CNTN3: variants seen among roughly 807,000 people sequenced by gnomAD.
CNTN3 encodes contactin 3.
Under a neutral mutation model 119.1 loss-of-function variants are expected in CNTN3, and 60 were observed. That is an observed-to-expected ratio of 0.50 (90% CI 0.41 to 0.62). The LOEUF (loss-of-function observed/expected upper bound fraction) is 0.62. Ranked by LOEUF, CNTN3 falls within the 20% of genes least tolerant of loss-of-function variation. CNTN3 has a pLI of 0.00. For synonymous variants in CNTN3, 450 were observed against 438.7 expected, an observed-to-expected ratio of 1.03 and a Z score of -0.32; for missense variants, 1,101 against 1,242.4, an observed-to-expected ratio of 0.89 and a Z score of 1.71.
At chr3:74,323,539 C>A (rs1703048411) in intron 13 of CNTN3, among the ~76,000 whole-genome samples, 1 of 152,092 alleles carries the variant, frequency 6.6e-6, no homozygotes, top group Admixed American at 6.6e-5. Flanking sequence ...GAAAGTACAG[C>A]TCTGTGAATA....
intron 1 of CNTN3, among the ~76,000 whole-genome samples, chr3:74,587,435 T>TA (rs112731194): frequency 0.016 from 2,500 of 152,188 alleles, 59 homozygotes; most frequent in African/African-American, 0.055. Context: ...TTTACGTCAT[T>TA]ACAAGACTGG....
chr3:74,565,337 C>T (rs1704210906), intron 1 of CNTN3, among the ~76,000 whole-genome samples: 1 of 152,128 alleles, frequency 6.6e-6, no homozygotes, highest in African/African-American at 2.4e-5. Flanking sequence ...TGGCCCCTTC[C>T]TCCATTCTCA....
chr3:74,298,518 C>T (rs1374509426), intron 17 of CNTN3, among the ~76,000 whole-genome samples: 2 of 149,660 alleles, frequency 1.3e-5, no homozygotes, highest in Non-Finnish European at 3.0e-5. Flanking sequence ...TCTCTTAAGC[C>T]AAATAAAAAT....
intron 4 of CNTN3, among the ~76,000 whole-genome samples, chr3:74,426,271 T>C (rs1440368602): frequency 6.6e-6 from 1 of 152,204 alleles, no homozygotes; most frequent in Non-Finnish European, 1.5e-5. Context: ...ACTTTCTGTA[T>C]CAGAACAATT....
At chr3:74,405,777 A>G (rs1294146809) in intron 5 of CNTN3, among the ~76,000 whole-genome samples, 1 of 152,078 alleles carries the variant, frequency 6.6e-6, no homozygotes, top group Non-Finnish European at 1.5e-5. Flanking sequence ...TATTGTTTTT[A>G]TAATGACTAT....
intron 1 of CNTN3, among the ~76,000 whole-genome samples, chr3:74,595,002 G>C (rs1046497480): frequency 6.6e-6 from 1 of 152,144 alleles, no homozygotes; most frequent in Admixed American, 6.6e-5. Context: ...ACTGGCGTGA[G>C]ATGGTATCTC....
chr3:74,568,785 T>C (rs954734184), intron 1 of CNTN3, among the ~76,000 whole-genome samples: 21 of 152,238 alleles, frequency 1.4e-4, no homozygotes, highest in African/African-American at 5.1e-4. Context: ...TTTCTCATTG[T>C]ATTATAGAAT....
At chr3:74,462,032 A>G (rs569863640) in intron 4 of CNTN3, among the ~76,000 whole-genome samples, 1 of 152,128 alleles carries the variant, frequency 6.6e-6, no homozygotes, top group African/African-American at 2.4e-5. Context: ...TCCCTCATGA[A>G]TAGTTTAGCA....
At chr3:74,274,982 T>C (rs1416776359) in intron 20 of CNTN3, among the ~76,000 whole-genome samples, 1 of 152,112 alleles carries the variant, frequency 6.6e-6, no homozygotes, top group Admixed American at 6.5e-5. Context: ...CCAGAAACAC[T>C]GGACACATAT....
At chr3:74,320,370 G>A (rs1371479107) in intron 13 of CNTN3, among the ~76,000 whole-genome samples, 1 of 152,164 alleles carries the variant, frequency 6.6e-6, no homozygotes, top group Non-Finnish European at 1.5e-5. Context: ...CCTTTGTAGG[G>A]ACATGGATGA....
intron 12 of CNTN3, among the ~76,000 whole-genome samples, chr3:74,335,867 T>A (rs1703381038): frequency 6.6e-6 from 1 of 152,120 alleles, no homozygotes; most frequent in African/African-American, 2.4e-5. Context: ...AATCTCTCCT[T>A]CTCAGTGAGG....
intron 4 of CNTN3, among the ~76,000 whole-genome samples, chr3:74,465,326 C>T (rs1702441668): frequency 1.3e-5 from 2 of 152,038 alleles, no homozygotes; most frequent in African/African-American, 4.8e-5. Flanking sequence ...ACAACAACAA[C>T]AAAAAGGTCT....
intron 5 of CNTN3, among the ~76,000 whole-genome samples, chr3:74,409,978 A>G (rs1701411223): frequency 6.6e-6 from 1 of 152,234 alleles, no homozygotes; most frequent in Non-Finnish European, 1.5e-5. Context: ...ACCAAGGATC[A>G]GAAAGAAGTC....
rs548175205 is a variant in CNTN3 at position 74,614,433 on chromosome 3, TCGCCGC to T, written c.-129_-124del. ...CCAGACGCCCGCCCCGACGGCCCAC[TCGCCGC>T]CGCCGCCGCCGCCGCCGCCGCCGCC... On this transcript the variant is annotated 5_prime_UTR_variant, in exon 1 of 23. Transcript: ENST00000263665. Among the ~76,000 whole-genome samples the T allele has an allele frequency of 0.47, 68,876 of 145,298 alleles. 17,426 individuals are homozygous for T. Among genetic ancestry groups the T allele is most frequent in the African/African-American group, 0.66 (26,496 of 40,408 alleles).
intron 3 of CNTN3, among the ~76,000 whole-genome samples, chr3:74,494,659 T>C (rs1434649859): frequency 1.3e-5 from 2 of 152,112 alleles, no homozygotes; most frequent in Non-Finnish European, 2.9e-5. Context: ...CATGATATTA[T>C]TGACTCCTGA....
chr3:74,524,619 T>G (rs9880961), intron 1 of CNTN3, among the ~76,000 whole-genome samples: 17,358 of 151,688 alleles, frequency 0.11, 1,757 homozygotes, highest in African/African-American at 0.27. Flanking sequence ...ATGGATTTAT[T>G]AGGTGGCAGA....
chr3:74,604,671 G>A (rs926663673), intron 1 of CNTN3, among the ~76,000 whole-genome samples: 1 of 152,100 alleles, frequency 6.6e-6, no homozygotes, highest in Non-Finnish European at 1.5e-5. Flanking sequence ...ATGTTGGAGA[G>A]GATGTGGAGA....
chr3:74,287,327 A>C (rs1240412387), intron 19 of CNTN3, among the ~76,000 whole-genome samples: 1 of 152,198 alleles, frequency 6.6e-6, no homozygotes, highest in Non-Finnish European at 1.5e-5. Flanking sequence ...TTCCATAAAG[A>C]ATGTTCCTAT....
chr3:74,612,411 G>A (rs1056789682), intron 1 of CNTN3, among the ~76,000 whole-genome samples: 1 of 152,256 alleles, frequency 6.6e-6, no homozygotes, highest in Middle Eastern at 3.4e-3. Flanking sequence ...GTACACTTGG[G>A]CTATCTGGTT....
Sources: gnomAD v4.1 joint callset for allele counts (sites outside exome capture counted in the v4.1 genomes callset) on GRCh38, gnomAD v4.1.1 for gene constraint, MANE v1.5 for transcripts, NCBI Gene and HGNC (gene_info 2026-07-23, HGNC 2026-07-21) for gene names.